The following CDC42BPA variants were observed in gnomAD, a reference collection of about 807,000 sequenced individuals.
CDC42BPA encodes the protein CDC42 binding protein kinase alpha.
Under a neutral mutation model 223.5 loss-of-function variants are expected in CDC42BPA, and 80 were observed. The ratio of observed to expected loss-of-function variants is 0.36; its 90% CI spans 0.30 to 0.43. The LOEUF (loss-of-function observed/expected upper bound fraction) is 0.43, where lower values mean the gene tolerates loss of function less well. Among genes scored for constraint, CDC42BPA ranks in the 20% least tolerant of loss-of-function variants. CDC42BPA has a pLI of 1.00. For synonymous variants in CDC42BPA, 694 were observed against 718.6 expected, an observed-to-expected ratio of 0.97 and a Z score of 0.55; for missense variants, 1,743 against 2,099.9, an observed-to-expected ratio of 0.83 and a Z score of 3.32.
chr1:227,096,037 A>G (rs1249771282), intron 15 of CDC42BPA, among the ~76,000 whole-genome samples: 1 of 152,230 alleles, frequency 6.6e-6, no homozygotes, highest in African/African-American at 2.4e-5. Context: ...TTTCTGGTGA[A>G]CAAACAATGT....
At chr1:227,163,220 A>G (rs1365976563) in intron 5 of CDC42BPA, among the ~76,000 whole-genome samples, 2 of 152,104 alleles carry the variant, frequency 1.3e-5, no homozygotes, top group Admixed American at 6.6e-5. Flanking sequence ...GTGTGTGTAT[A>G]TATGTTTCTA....
chr1:227,009,984 G>A (rs6693535), intron 34 of CDC42BPA, among the ~76,000 whole-genome samples: 57,325 of 151,960 alleles, frequency 0.38, 11,469 homozygotes, highest in Non-Finnish European at 0.46. Context: ...ATCTACTATT[G>A]TTGTAAGTTA....
chr1:227,115,883 A>C (rs180981424), intron 12 of CDC42BPA, among the ~76,000 whole-genome samples: 45 of 151,972 alleles, frequency 3.0e-4, no homozygotes, highest in Admixed American at 2.0e-3. Context: ...AAAAAAAAAA[A>C]CACGTCAATC....
chr1:227,265,403 A>AT (rs898862975), intron 1 of CDC42BPA, among the ~76,000 whole-genome samples: 41 of 152,126 alleles, frequency 2.7e-4, no homozygotes, highest in African/African-American at 8.0e-4. Flanking sequence ...TACGTGGGGC[A>AT]TAAAAAAAAG....
chr1:227,205,285 T>A (rs760596794), intron 3 of CDC42BPA, among the ~76,000 whole-genome samples: 14,118 of 85,282 alleles, frequency 0.17, 1,102 homozygotes, highest in African/African-American at 0.24. Flanking sequence ...AAAAAAAAAA[T>A]ATATATATAT....
chr1:227,274,020 A>AAAAAC (rs1686492209), intron 1 of CDC42BPA, among the ~76,000 whole-genome samples: 3 of 147,718 alleles, frequency 2.0e-5, no homozygotes, highest in Non-Finnish European at 4.5e-5. Flanking sequence ...AAAAAAAAAA[A>AAAAAC]AGGAAGAGTA....
intron 5 of CDC42BPA, among the ~76,000 whole-genome samples, chr1:227,178,161 T>C (rs1041576302): frequency 1.6e-4 from 25 of 152,324 alleles, no homozygotes; most frequent in South Asian, 2.1e-4. Flanking sequence ...TAGCTCTGTG[T>C]CCCCACCAAA....
At chr1:227,300,609 G>GGGA (rs375019261) in intron 1 of CDC42BPA, among the ~76,000 whole-genome samples, 181 of 152,288 alleles carry the variant, frequency 1.2e-3, no homozygotes, top group African/African-American at 3.8e-3. Flanking sequence ...ACTTATAAGT[G>GGGA]GGAGCTAAGC....
At chr1:227,036,592 G>A (rs1367209084) in intron 24 of CDC42BPA, among the ~76,000 whole-genome samples, 1 of 152,014 alleles carries the variant, frequency 6.6e-6, no homozygotes, top group Non-Finnish European at 1.5e-5. Flanking sequence ...ACCTTGCCCG[G>A]CTAATTTTCT....
intron 24 of CDC42BPA, among the ~76,000 whole-genome samples, chr1:227,037,136 A>G (rs1437266643): frequency 6.6e-6 from 1 of 152,202 alleles, no homozygotes; most frequent in African/African-American, 2.4e-5. Context: ...ATTCTTTCTG[A>G]TAAACAAATT....
chr1:227,188,748 T>A (rs1380539443), intron 5 of CDC42BPA, among the ~76,000 whole-genome samples: 2 of 152,206 alleles, frequency 1.3e-5, no homozygotes, highest in African/African-American at 4.8e-5. Context: ...AGTGAAATTA[T>A]TCCGCATAAT....
intron 10 of CDC42BPA, among the ~76,000 whole-genome samples, chr1:227,131,329 A>G (rs1657064065): frequency 6.6e-6 from 1 of 152,224 alleles, no homozygotes; most frequent in Non-Finnish European, 1.5e-5. Flanking sequence ...GTTAATCATA[A>G]TAATTCCATT....
At chr1:227,284,093 G>T (rs910102488) in intron 1 of CDC42BPA, among the ~76,000 whole-genome samples, 16 of 152,124 alleles carry the variant, frequency 1.1e-4, no homozygotes, top group Non-Finnish European at 1.8e-4. Flanking sequence ...TGCTTTACTA[G>T]ATTGTTTTAA....
intron 21 of CDC42BPA, among the ~76,000 whole-genome samples, chr1:227,066,100 T>G (rs1676997417): frequency 6.6e-6 from 1 of 152,006 alleles, no homozygotes; most frequent in South Asian, 2.1e-4. Flanking sequence ...TCCTTAAGAA[T>G]CCAAGTGCAG....
chr1:227,017,224 G>C (rs992434613), intron 32 of CDC42BPA, among the ~76,000 whole-genome samples, 174 bp from the exon 33 acceptor site: 1 of 152,164 alleles, frequency 6.6e-6, no homozygotes, highest in Non-Finnish European at 1.5e-5. Context: ...TATGTAAACA[G>C]ATAATATGCT....
intron 1 of CDC42BPA, among the ~76,000 whole-genome samples, chr1:227,272,800 TAA>T (rs1558923451): frequency 7.3e-6 from 1 of 136,872 alleles, no homozygotes; most frequent in African/African-American, 2.7e-5. Context: ...ATGAACAGAA[TAA>T]TTATTTTTTT....
chr1:227,133,230 G>A (rs968854026), intron 10 of CDC42BPA, among the ~76,000 whole-genome samples: 6 of 148,854 alleles, frequency 4.0e-5, no homozygotes, highest in African/African-American at 1.0e-4. Context: ...TCAGCCCCCC[G>A]CCCGGCCAGC....
chr1:227,006,719 G>C (rs1235067053), intron 34 of CDC42BPA, among the ~76,000 whole-genome samples: 1 of 152,056 alleles, frequency 6.6e-6, no homozygotes, highest in Non-Finnish European at 1.5e-5. Context: ...GGCAGATCAC[G>C]AGGTCAGGAA....
At chr1:227,128,231 C>T (rs2149497426) in intron 11 of CDC42BPA, among the ~76,000 whole-genome samples, 1 of 152,292 alleles carries the variant, frequency 6.6e-6, no homozygotes, top group East Asian at 1.9e-4. Context: ...CTGCCTGGAA[C>T]ACATATTTTG....
Sources: allele counts gnomAD v4.1 joint callset (sites outside exome capture counted in the v4.1 genomes callset), GRCh38; gene constraint gnomAD v4.1.1; transcripts MANE v1.5; gene names NCBI Gene and HGNC (gene_info 2026-07-23, HGNC 2026-07-21).